The following LUZP1 variants were observed in gnomAD, a reference collection of about 807,000 sequenced individuals.
The protein encoded by LUZP1 is leucine zipper protein 1, also known as filamin mechanobinding actin cross-linking protein.
A neutral mutation model predicts 71.3 loss-of-function variants in LUZP1; 25 were observed. That is an observed-to-expected ratio of 0.35 (90% CI 0.26 to 0.49). The LOEUF is 0.49. Ranked by LOEUF, LUZP1 falls within the 20% of genes least tolerant of loss-of-function variation. The probability of loss-of-function intolerance (pLI) is 0.99; values close to 1 mark genes in which losing one functional copy is unlikely to be tolerated. For synonymous variants in LUZP1, 481 were observed against 506.4 expected, an observed-to-expected ratio of 0.95 and a Z score of 0.67; for missense variants, 1,142 against 1,300.8, an observed-to-expected ratio of 0.88 and a Z score of 1.88.
chr1:23,106,475 T>G (rs1643982963), intron 3 of LUZP1, among the ~76,000 whole-genome samples: 1 of 152,004 alleles, frequency 6.6e-6, no homozygotes, highest in South Asian at 2.1e-4. Flanking sequence ...AGTGGTGGCA[T>G]GCACCTGTAG....
chr1:23,118,947 C>G, intron 2 of LUZP1, among the ~76,000 whole-genome samples: 1 of 152,168 alleles, frequency 6.6e-6, no homozygotes, highest in East Asian at 1.9e-4. Context: ...TGCACTTTGT[C>G]TGTATCTCTA....
intron 2 of LUZP1, among the ~76,000 whole-genome samples, chr1:23,129,157 T>C (rs1406554110): frequency 2.0e-5 from 3 of 152,206 alleles, no homozygotes; most frequent in African/African-American, 7.2e-5. Context: ...GCTACTGGGA[T>C]TGTGTGTATG....
intron 2 of LUZP1, among the ~76,000 whole-genome samples, chr1:23,116,059 G>C (rs1458472948): frequency 6.6e-6 from 1 of 152,074 alleles, no homozygotes; most frequent in East Asian, 1.9e-4. Context: ...GACCAGCCTG[G>C]GCAACATAGC....
chr1:23,168,161 G>A (rs1410083445), intron 2 of LUZP1, among the ~76,000 whole-genome samples: 4 of 128,704 alleles, frequency 3.1e-5, no homozygotes, highest in African/African-American at 1.1e-4. Context: ...CTCCCCGCCC[G>A]GCCCGCGGCC....
intron 2 of LUZP1, among the ~76,000 whole-genome samples, chr1:23,168,028 C>T (rs1285939406): frequency 6.6e-6 from 1 of 151,434 alleles, no homozygotes; most frequent in Non-Finnish European, 1.5e-5. Context: ...GGACTGTCTA[C>T]TGGCAACTTA....
intron 2 of LUZP1, among the ~76,000 whole-genome samples, chr1:23,131,518 T>G (rs1328780904): frequency 1.8e-4 from 27 of 152,182 alleles, no homozygotes; most frequent in Non-Finnish European, 1.5e-4. Flanking sequence ...TTGAGTTCTG[T>G]TCACCACTGT....
intron 1 of LUZP1, among the ~76,000 whole-genome samples, chr1:23,177,020 T>A (rs1194519452): frequency 6.6e-6 from 1 of 151,584 alleles, no homozygotes; most frequent in Non-Finnish European, 1.5e-5. Context: ...TAGCTGGGAC[T>A]AGAAGCGTGT....
chr1:23,147,392 G>A (rs1216694707), intron 2 of LUZP1, among the ~76,000 whole-genome samples: 2 of 149,118 alleles, frequency 1.3e-5, no homozygotes, highest in Non-Finnish European at 3.0e-5. Flanking sequence ...AGTGAGCCGA[G>A]ATCGCACCAC....
rs117143216 is a variant in LUZP1 at position 23,104,543 on chromosome 1, C to A, written c.-120+4479G>T. The stretch of plus-strand genomic sequence containing the variant: ...GAGGCCTTTTCAAACCATCCTTCCC[C>A]GCAAGAGAAATGCACCATCCTAAAT... On this transcript the variant is annotated intron_variant, in intron 3 of 4. Transcript: ENST00000302291. 2.0e-3 allele frequency among the ~76,000 whole-genome samples: 310 copies of A among 152,178 alleles called. 3 individuals carry two copies. The East Asian group carries it at 0.04, about 19-fold the overall frequency.
chr1:23,174,074 T>C (rs1644569385), intron 1 of LUZP1, among the ~76,000 whole-genome samples: 1 of 152,142 alleles, frequency 6.6e-6, no homozygotes, highest in African/African-American at 2.4e-5. Flanking sequence ...TTACTTATTA[T>C]GAGAATTGGC....
At chr1:23,090,973 C>T (rs1643842994) in intron 4 of LUZP1, 2 of 719,524 alleles carry the variant, frequency 2.8e-6, no homozygotes, top group Admixed American at 2.0e-5. Flanking sequence ...ATGAAGACAA[C>T]AAATTGGAAA....
rs968797680 is a variant in LUZP1 at position 23,093,819 on chromosome 1, G to T, written c.443C>A (p.Thr148Asn). The T allele has an allele frequency of 6.2e-7, 1 of 1,613,890 alleles. No individual in the cohort carries two copies. ...TTCCAGCTCAGAGGAGATTTTCTTG[G>T]TCAGATTTCTCTCCTCATTCAGGCT... is the stretch of plus-strand genomic sequence containing the variant. The change falls in exon 4 of 5, where the codon ACC (threonine) becomes AAC (asparagine). Residue 148 changes from threonine to asparagine, a missense_variant. Coordinates refer to ENST00000302291, the Ensembl canonical transcript of LUZP1. This position sits in a 1 kb window ranked among gnomAD's most constrained non-coding sequence, Gnocchi z 4.2.
intron 2 of LUZP1, among the ~76,000 whole-genome samples, chr1:23,115,555 T>G (rs767043998): frequency 6.6e-6 from 1 of 152,304 alleles, no homozygotes; most frequent in East Asian, 1.9e-4. Flanking sequence ...CCTCTTTTTT[T>G]TTGGAGACAA....
At chr1:23,126,340 C>T (rs1012552693) in intron 2 of LUZP1, among the ~76,000 whole-genome samples, 2 of 152,038 alleles carry the variant, frequency 1.3e-5, no homozygotes, top group Non-Finnish European at 2.9e-5. Flanking sequence ...CAAGCAAGGC[C>T]GGGTGCAGAG....
intron 2 of LUZP1, among the ~76,000 whole-genome samples, chr1:23,159,841 C>T (rs984853457): frequency 3.3e-5 from 5 of 152,146 alleles, no homozygotes; most frequent in Non-Finnish European, 7.3e-5. Flanking sequence ...CAAAAATGAG[C>T]TGGGCATGGT....
chr1:23,145,110 C>G (rs1010441544), intron 2 of LUZP1, among the ~76,000 whole-genome samples: 18 of 152,024 alleles, frequency 1.2e-4, no homozygotes, highest in African/African-American at 4.3e-4. Flanking sequence ...ACCATGTTGC[C>G]CAGGCTGGTC....
intron 2 of LUZP1, among the ~76,000 whole-genome samples, chr1:23,151,007 A>C (rs1459812169): frequency 1.3e-5 from 2 of 152,248 alleles, no homozygotes; most frequent in East Asian, 3.9e-4. Flanking sequence ...CATGACTAGA[A>C]CTGGGTCTTC....
At chr1:23,173,943 G>A (rs1644568544) in intron 1 of LUZP1, among the ~76,000 whole-genome samples, 1 of 152,068 alleles carries the variant, frequency 6.6e-6, no homozygotes, top group Non-Finnish European at 1.5e-5. Flanking sequence ...GAAGTCTCAG[G>A]AACCATGACA....
At position 23,093,599 on chromosome 1, in the gene LUZP1, G is replaced by C; in HGVS notation, c.663C>G (p.Asn221Lys). 6.2e-7 allele frequency: 1 copy of C among 1,611,492 alleles called. No individual in the cohort carries two copies. The change falls in exon 4 of 5, where the codon AAC becomes AAG. Residue 221 changes from asparagine (N) to lysine (K), a missense_variant. Asn to Lys is a moderately conservative substitution (Grantham distance 94). Coordinates refer to ENST00000302291, the Ensembl canonical transcript of LUZP1. The surrounding 1 kb of genome is among the most constrained non-coding windows in gnomAD (Gnocchi z 4.2). ...TTGTATAATCTCGGTTCATTTTTTT[G>C]TTCTGCTCTAGTTTTTGAGTGAGTT...
Sources: gnomAD v4.1 joint callset for allele counts (sites outside exome capture counted in the v4.1 genomes callset) on GRCh38, gnomAD v4.1.1 for gene constraint, Gnocchi (gnomAD v3.1) non-coding constraint, MANE v1.5 for transcripts, NCBI Gene and HGNC (gene_info 2026-07-23, HGNC 2026-07-21) for gene names.